Variants in FRMPD3 observed in about 807,000 individuals in gnomAD.
The protein encoded by FRMPD3 is FERM and PDZ domain containing 3.
Under a neutral mutation model 97.9 loss-of-function variants are expected in FRMPD3, and 42 were observed. The ratio of observed to expected loss-of-function variants is 0.43; its 90% CI spans 0.34 to 0.55. The LOEUF is 0.55. FRMPD3 is among the 20% of genes least tolerant of loss of function. The pLI, the probability that FRMPD3 is intolerant of heterozygous loss-of-function variation, is 0.03. For synonymous variants in FRMPD3, 577 were observed against 581.1 expected (o/e 0.99, Z 0.10); for missense variants, 1,303 against 1,457.7 (o/e 0.89, Z 1.73).
chrX:107,490,155 C>G (rs1186634140), intron 1 of FRMPD3, among the ~76,000 whole-genome samples: 1 of 111,565 alleles, frequency 9.0e-6, no homozygotes, highest in South Asian at 3.8e-4. Flanking sequence ...TGTAGATATG[C>G]GGCATTATTT....
intron 1 of FRMPD3, among the ~76,000 whole-genome samples, chrX:107,454,791 A>G (rs762599027): frequency 1.3e-4 from 14 of 111,468 alleles, no homozygotes; most frequent in African/African-American, 4.2e-4. Flanking sequence ...TTCCAACCCT[A>G]TTTCTCATGC....
chrX:107,528,271 C>CA (rs1203423112), intron 2 of FRMPD3, among the ~76,000 whole-genome samples: 2 of 111,427 alleles, frequency 1.8e-5, no homozygotes, highest in East Asian at 2.8e-4. Context: ...GTAATAAAGA[C>CA]AAAAAAAGTG....
chrX:107,526,879 A>G, intron 2 of FRMPD3, 143 bp downstream of exon 2: 3 of 606,958 alleles, frequency 4.9e-6, no homozygotes, highest in Non-Finnish European at 7.3e-6. Context: ...GCCAACCAAT[A>G]ACTGTGTGAG....
intron 1 of FRMPD3, among the ~76,000 whole-genome samples, chrX:107,493,561 G>A (rs936186428): frequency 2.7e-5 from 3 of 112,072 alleles, no homozygotes; most frequent in African/African-American, 9.7e-5. Context: ...TGTTCTGTTC[G>A]GTTAAGCTGT....
chrX:107,541,701 G>A (rs950913512), intron 4 of FRMPD3, among the ~76,000 whole-genome samples: 1 of 111,482 alleles, frequency 9.0e-6, no homozygotes, highest in African/African-American at 3.3e-5. Flanking sequence ...TACATAAAAG[G>A]ATACCAGTTG....
At chrX:107,506,456 T>C (rs1266268484) in intron 1 of FRMPD3, among the ~76,000 whole-genome samples, 1 of 112,893 alleles carries the variant, frequency 8.9e-6, no homozygotes, top group Non-Finnish European at 1.9e-5. Flanking sequence ...CACCACATAT[T>C]ATTAGTGCTT....
At chrX:107,557,174 C>T (rs779833167) in intron 8 of FRMPD3, among the ~76,000 whole-genome samples, 1 of 111,088 alleles carries the variant, frequency 9.0e-6, no homozygotes, top group Non-Finnish European at 1.9e-5. Flanking sequence ...TCTGATAGTG[C>T]GTAGTGGCAT....
At chrX:107,464,602 A>C (rs1931527369) in intron 1 of FRMPD3, among the ~76,000 whole-genome samples, 1 of 111,792 alleles carries the variant, frequency 8.9e-6, no homozygotes, top group Admixed American at 9.5e-5. Flanking sequence ...AACTGAGCAC[A>C]GTACTCCTGG....
At position 107,601,826 on chromosome X, in the gene FRMPD3, C is replaced by T; in HGVS notation, c.3787C>T (p.Pro1263Ser). The change falls in exon 15 of 15, where the codon CCA (proline) becomes TCA (serine). Residue 1263 changes from proline to serine, a missense_variant. By Grantham distance (74) the Pro-to-Ser change is moderately conservative. Coordinates refer to ENST00000683843, the MANE Select transcript of FRMPD3 (RefSeq NM_001388459.1). The part of the protein sequence containing the change: ...LLKPPSQGEL[P>S]GTEYLQPPAP... ...AAAGCCACCAAGCCAGGGGGAGCTG[C>T]CAGGCACCGAGTACCTGCAACCTCC... The T allele has an allele frequency of 3.3e-6, 4 of 1,210,734 alleles. No homozygotes were observed. The highest frequency in any genetic ancestry group is 4.5e-6 in the Non-Finnish European group (4 of 895,247).
chrX:107,557,693 GTTT>G (rs1376839062), intron 8 of FRMPD3, among the ~76,000 whole-genome samples: 8 of 83,384 alleles, frequency 9.6e-5, no homozygotes, highest in African/African-American at 4.6e-4. Context: ...GTGTGTGTGT[GTTT>G]TTTTTTGCAT....
intron 13 of FRMPD3, among the ~76,000 whole-genome samples, chrX:107,585,098 C>T (rs766760525): frequency 1.8e-5 from 2 of 111,334 alleles, no homozygotes; most frequent in Non-Finnish European, 3.8e-5. Flanking sequence ...TTTGCATTTG[C>T]TTGTATCCTC....
rs777810100 is a variant in FRMPD3 at position 107,597,783 on chromosome X, G to A, written c.1904G>A (p.Arg635His). ...PRKGGKPGSS[R>H]DNIVDLMSLP... Reference sequence around the variant, plus strand: ...AAAGGTGGGAAGCCTGGCTCCTCTCGTGACAATATAGTAGATTTGATGTCC... The same window carrying A: ...AAAGGTGGGAAGCCTGGCTCCTCTCATGACAATATAGTAGATTTGATGTCC... Residue 635 changes from arginine (R) to histidine (H), a missense_variant, in exon 14 of 15, where the codon CGT becomes CAT. Arg to His is a conservative substitution (Grantham distance 29, BLOSUM62 0). Transcript: ENST00000683843. 10 of 1,181,054 alleles carry A rather than the reference G, an allele frequency of 8.5e-6. No individual in the cohort carries two copies. Among genetic ancestry groups the A allele is most frequent in the African/African-American group, 5.3e-5 (3 of 56,331 alleles).
At chrX:107,515,985 A>G (rs1170547467) in intron 1 of FRMPD3, among the ~76,000 whole-genome samples, 1 of 107,980 alleles carries the variant, frequency 9.3e-6, no homozygotes, top group African/African-American at 3.4e-5. Flanking sequence ...TTAACTCATC[A>G]TTTAACGTTA....
At position 107,449,835 on chromosome X, in the gene FRMPD3, C is replaced by T. The variant is rs1391407459; in HGVS notation, c.-178C>T. Among the ~76,000 whole-genome samples the T allele has an allele frequency of 9.2e-6, 1 of 108,373 alleles. No individual in the cohort carries two copies. Among genetic ancestry groups the T allele is most frequent in the Non-Finnish European group, 1.9e-5 (1 of 51,725 alleles). 94.1% of individuals were successfully genotyped at this position (108,373 alleles called of 115,157 possible). ...CCCTGCCAACCTCTGCCCGCCCCGCCGCCCGGCGCCACTGAGCCCCAAGCC... is the reference window on the plus strand; with the variant it reads ...CCCTGCCAACCTCTGCCCGCCCCGCTGCCCGGCGCCACTGAGCCCCAAGCC... On this transcript the variant is annotated 5_prime_UTR_variant, in exon 1 of 15. Coordinates refer to ENST00000683843, the MANE Select transcript of FRMPD3 (RefSeq NM_001388459.1).
chrX:107,569,380 A>G (rs1337026331), intron 12 of FRMPD3, among the ~76,000 whole-genome samples: 1 of 107,561 alleles, frequency 9.3e-6, no homozygotes, highest in Non-Finnish European at 1.9e-5. Flanking sequence ...ATGTTAGGGG[A>G]GTACAGGGAA....
intron 1 of FRMPD3, among the ~76,000 whole-genome samples, chrX:107,505,490 G>A (rs1320747340): frequency 4.5e-5 from 5 of 112,301 alleles, no homozygotes; most frequent in African/African-American, 6.5e-5. Context: ...TGACCAGGAG[G>A]CAGAGGTTGC....
intron 4 of FRMPD3, among the ~76,000 whole-genome samples, chrX:107,539,822 G>T (rs147052961): frequency 1.4e-3 from 155 of 111,711 alleles, no homozygotes; most frequent in African/African-American, 4.8e-3. Context: ...ATACAGCCTG[G>T]TTGGGGATGT....
intron 6 of FRMPD3, among the ~76,000 whole-genome samples, chrX:107,552,492 G>T (rs61070531): frequency 0.15 from 16,340 of 111,148 alleles, 2,606 homozygotes; most frequent in African/African-American, 0.47. Flanking sequence ...AGTGGAAGGA[G>T]AGAGGTAGGG....
chrX:107,525,633 C>T, intron 1 of FRMPD3: 1 of 559,093 alleles, frequency 1.8e-6, no homozygotes, highest in Non-Finnish European at 3.2e-6. Context: ...CCCTTCTGGC[C>T]AACAGGAACT....
Sources: allele counts gnomAD v4.1 joint callset (sites outside exome capture counted in the v4.1 genomes callset), GRCh38; gene constraint gnomAD v4.1.1; transcripts MANE v1.5; gene names NCBI Gene and HGNC (gene_info 2026-07-23, HGNC 2026-07-21).